Variants in DIPK1B observed in about 807,000 individuals in gnomAD.
DIPK1B encodes the protein divergent protein kinase domain 1B.
Under a neutral mutation model 20.7 loss-of-function variants are expected in DIPK1B, and 17 were observed. The ratio of observed to expected loss-of-function variants is 0.82; its 90% CI spans 0.56 to 1.23. The LOEUF is 1.23. Among genes scored for constraint, DIPK1B ranks in the 50% most tolerant of loss-of-function variants. The pLI is 0.00. For synonymous variants in DIPK1B, 343 were observed against 276.5 expected (o/e 1.24, Z -2.39); for missense variants, 648 against 601.8 (o/e 1.08, Z -0.80).
Position 136,724,137 on chromosome 9 carries a change from G to GC in DIPK1B, c.*367dup, listed in dbSNP as rs1846666567. 1 of 269,062 alleles carries GC rather than the reference G, an allele frequency of 3.7e-6. No homozygotes were observed. The highest frequency in any genetic ancestry group is 2.3e-5 in the African/African-American group (1 of 43,526). 16.7% of individuals were successfully genotyped at this position (269,062 alleles called of 1,614,324 possible). ...GCCCAGGCACTCAGGCTGGGGTTGA[G>GC]CCCCTGAATCCTTCCTGGCGAGGCA... On this transcript the variant is annotated 3_prime_UTR_variant, in exon 5 of 5. Coordinates refer to ENST00000371692, the MANE Select transcript of DIPK1B (RefSeq NM_152421.4).
At position 136,723,733 on chromosome 9, in the gene DIPK1B, ACT is replaced by A. The variant is rs754514883; in HGVS notation, c.1258_1259del (p.Leu420AlafsTer16). On this transcript the variant is annotated frameshift_variant, in exon 5 of 5. Coordinates refer to ENST00000371692, the MANE Select transcript of DIPK1B (RefSeq NM_152421.4). LOFTEE classifies it high-confidence loss of function. The stretch of plus-strand genomic sequence containing the variant: ...CTCGCTGGTGCTCAGCCACCTCAAG[ACT>A]CTGCTCTGGAAGAAGATCTCCAACA... Reference protein sequence around the residue: ...HHSLVLSHLKTLLWKKISNTK... With the variant: ...HHSLVLSHLKXLLWKKISNTK... 47 of 1,535,320 alleles carry A rather than the reference ACT, an allele frequency of 3.1e-5. No individual in the cohort carries two copies. Among genetic ancestry groups the A allele is most frequent in the Non-Finnish European group, 3.7e-5 (42 of 1,146,888 alleles).
chr9:136,715,742 G>A (rs551092241), intron 1 of DIPK1B, among the ~76,000 whole-genome samples: 22 of 152,216 alleles, frequency 1.4e-4, no homozygotes, highest in African/African-American at 4.6e-4. Flanking sequence ...TCCAACTCCC[G>A]ACCTCAGGTG....
chr9:136,721,768 T>G, intron 2 of DIPK1B, 153 bp from the exon 3 acceptor site: 2 of 665,286 alleles, frequency 3.0e-6, no homozygotes, highest in Non-Finnish European at 5.1e-6. Context: ...ACCAATGGCA[T>G]GACCCAGGGC....
chr9:136,722,456 C>T (rs1246260015), intron 4 of DIPK1B, 155 bp downstream of exon 4: 2 of 934,350 alleles, frequency 2.1e-6, no homozygotes, highest in Non-Finnish European at 3.1e-6. Context: ...GGGCATGAGC[C>T]CTGCCAGGGA....
At position 136,721,772 on chromosome 9, in the gene DIPK1B, C is replaced by T. The variant is rs765250649; in HGVS notation, c.199-149C>T. ...ATCCTGCAGCCACCAATGGCATGACCCAGGGCCCCGGCACTGCCTGTGTGA... is the reference window on the plus strand; with the variant it reads ...ATCCTGCAGCCACCAATGGCATGACTCAGGGCCCCGGCACTGCCTGTGTGA... On this transcript the variant is annotated intron_variant, in intron 2 of 4. Coordinates refer to ENST00000371692, the MANE Select transcript of DIPK1B (RefSeq NM_152421.4). 3 of 687,466 alleles carry T rather than the reference C, an allele frequency of 4.4e-6. No homozygotes were observed. The South Asian group carries it at 5.4e-5, about 12-fold the overall frequency. The allele number at this position is 687,466 out of a possible 1,614,324, so 42.6% of individuals were successfully genotyped here.
rs1846441055 is a variant in DIPK1B at position 136,712,660 on chromosome 9, C to T, written c.-6C>T. On this transcript the variant is annotated 5_prime_UTR_variant, in exon 1 of 5. Transcript: ENST00000371692. This position sits in a 1 kb window ranked among gnomAD's most constrained non-coding sequence, Gnocchi z 5.6. ...GGGGCCCGCGCAGCCCCGGCCGGAG[C>T]CCACCATGCGGCGGCTGCGGCGCCT... The T allele has an allele frequency of 3.1e-6, 4 of 1,269,956 alleles. No homozygotes were observed. In the Admixed American group the frequency reaches 1.2e-4, roughly 39 times the overall value. 78.7% of individuals were successfully genotyped at this position (1,269,956 alleles called of 1,614,324 possible).
chr9:136,723,740 T>C lies in DIPK1B; in HGVS notation c.1262T>C (p.Leu421Pro). The C allele has an allele frequency of 6.5e-7, 1 of 1,535,068 alleles. No individual in the cohort carries two copies. The highest frequency in any genetic ancestry group is 8.7e-7 in the Non-Finnish European group (1 of 1,146,864). ...GTGCTCAGCCACCTCAAGACTCTGC[T>C]CTGGAAGAAGATCTCCAACACCAAG... The part of the protein sequence containing the change: ...SLVLSHLKTL[L>P]WKKISNTKYS Residue 421 changes from leucine to proline, a missense_variant, in exon 5 of 5, where the codon CTC becomes CCC. Physicochemically the swap from Leu to Pro is moderately conservative, Grantham distance 98 (BLOSUM62 -3). Coordinates refer to ENST00000371692, the MANE Select transcript of DIPK1B (RefSeq NM_152421.4).
At chr9:136,716,862 G>A (rs868601584) in intron 1 of DIPK1B, among the ~76,000 whole-genome samples, 9 of 152,268 alleles carry the variant, frequency 5.9e-5, no homozygotes, top group African/African-American at 1.9e-4. Flanking sequence ...TCTCGCGGTG[G>A]GCGCGCTCAC....
chr9:136,717,658 C>A lies in DIPK1B; in HGVS notation c.145C>A (p.His49Asn). Residue 49 changes from histidine (H) to asparagine (N), a missense_variant, in exon 2 of 5, where the codon CAC (histidine) becomes AAC (asparagine). Transcript: ENST00000371692. ...TGCAGGCAGCTGGCTGGTGTACGTG[C>A]ACTACTCGTCCTACTCGGAGCGCTG... ...VFAGSWLVYV[H>N]YSSYSERCRG... 6.2e-7 allele frequency: 1 copy of A among 1,609,284 alleles called. No individual in the cohort carries two copies.
chr9:136,719,343 G>A (rs1347553176), intron 2 of DIPK1B, among the ~76,000 whole-genome samples: 1 of 152,146 alleles, frequency 6.6e-6, no homozygotes, highest in African/African-American at 2.4e-5. Flanking sequence ...CCAGAGGTCA[G>A]GCCAAGCCCA....
rs1223436035 is a variant in DIPK1B at position 136,723,905 on chromosome 9, C to T, written c.*131C>T. 4.2e-6 allele frequency: 4 copies of T among 956,338 alleles called. No homozygotes were observed. In the East Asian group the frequency reaches 1.1e-4, roughly 25 times the overall value. The allele number at this position is 956,338 out of a possible 1,614,324, so 59.2% of individuals were successfully genotyped here. On this transcript the variant is annotated 3_prime_UTR_variant, in exon 5 of 5. Transcript: ENST00000371692. Reference sequence around the variant, plus strand: ...CAAAATCACTCCCCTACCGTCAGGGCTCTGGATTCCAGCACCACAGACATG... The same window carrying T: ...CAAAATCACTCCCCTACCGTCAGGGTTCTGGATTCCAGCACCACAGACATG...
chr9:136,720,004 G>A (rs1846570763), intron 2 of DIPK1B, among the ~76,000 whole-genome samples: 1 of 150,096 alleles, frequency 6.7e-6, no homozygotes, highest in African/African-American at 2.5e-5. Flanking sequence ...TCTGGGTTCA[G>A]GGGGCTGTGT....
rs1846639360 is a variant in DIPK1B at position 136,723,117 on chromosome 9, G to A, written c.639G>A (p.Gln213=). Residue 213 remains glutamine, a synonymous_variant, in exon 5 of 5, where the codon CAG becomes CAA. Transcript: ENST00000371692. ...AGTTCCTGCTGCTGCTGTCCCTGCA[G>A]GAGAAGGAGCACGCCTCCAGACTGC... ...RNEFLLLLSL[Q]EKEHASRLLG... is the part of the protein sequence containing the mutation. The A allele has an allele frequency of 6.2e-7, 1 of 1,613,338 alleles. No homozygotes were observed. Among genetic ancestry groups the A allele is most frequent in the Non-Finnish European group, 8.5e-7 (1 of 1,179,986 alleles).
In DIPK1B at chr9:136,712,757, G is replaced by T; in HGVS notation, c.63+29G>T. ...AGCGCGGTGCGCGCCCGCCGCCCCC[G>T]GCCGCCTCTGCCTGGGGAGGCCGAG... On this transcript the variant is annotated intron_variant, in intron 1 of 4. Coordinates refer to ENST00000371692, the MANE Select transcript of DIPK1B (RefSeq NM_152421.4). This position sits in a 1 kb window ranked among gnomAD's most constrained non-coding sequence, Gnocchi z 5.6. 1 of 1,314,544 alleles carries T rather than the reference G, an allele frequency of 7.6e-7. No individual in the cohort carries two copies. The allele number at this position is 1,314,544 out of a possible 1,614,324, so 81.4% of individuals were successfully genotyped here.
intron 2 of DIPK1B, chr9:136,721,571 G>T: frequency 3.4e-6 from 1 of 297,288 alleles, no homozygotes; most frequent in Non-Finnish European, 6.5e-6. Flanking sequence ...CGGCTGGGCG[G>T]AGAGCTGCCT....
At chr9:136,713,126 C>T (rs1846449696) in intron 1 of DIPK1B, among the ~76,000 whole-genome samples, 1 of 152,202 alleles carries the variant, frequency 6.6e-6, no homozygotes, top group African/African-American at 2.4e-5. Context: ...CCCCCTGCCC[C>T]TTCATCCCAT....
Position 136,723,012 on chromosome 9 carries a change from G to A in DIPK1B, c.534G>A (p.Leu178=), listed in dbSNP as rs1846636417. 2.5e-6 allele frequency: 4 copies of A among 1,613,344 alleles called. No individual in the cohort carries two copies. Among genetic ancestry groups the A allele is most frequent in the Non-Finnish European group, 3.4e-6 (4 of 1,179,958 alleles). ...PSLPALVGQV[L]LMADFNKDNR... ...TGCCGGCGCTGGTTGGCCAGGTCCT[G>A]CTCATGGCTGACTTCAACAAGGACA... is the stretch of plus-strand genomic sequence containing the variant. The change falls in exon 5 of 5, where the codon CTG becomes CTA. Residue 178 remains leucine, a synonymous_variant. Coordinates refer to ENST00000371692, the MANE Select transcript of DIPK1B (RefSeq NM_152421.4).
Position 136,723,542 on chromosome 9 carries a change from G to C in DIPK1B, c.1064G>C (p.Arg355Thr), listed in dbSNP as rs759812172. Residue 355 changes from arginine (R) to threonine (T), a missense_variant, in exon 5 of 5, where the codon AGG becomes ACG. By Grantham distance (71) the Arg-to-Thr change is moderately conservative (BLOSUM62 -1). Coordinates refer to ENST00000371692, the MANE Select transcript of DIPK1B (RefSeq NM_152421.4). ...DCRAPCDRLM[R>T]QCKGDLIQPN... ...AGGGCCCCGTGTGACAGGCTCATGA[G>C]GCAGTGCAAGGGCGACCTCATCCAG... The C allele has an allele frequency of 1.3e-6, 2 of 1,598,848 alleles. No homozygotes were observed. Among genetic ancestry groups the C allele is most frequent in the Non-Finnish European group, 1.7e-6 (2 of 1,173,200 alleles).
At chr9:136,714,087 G>A (rs1370801684) in intron 1 of DIPK1B, among the ~76,000 whole-genome samples, 1 of 152,224 alleles carries the variant, frequency 6.6e-6, no homozygotes, top group African/African-American at 2.4e-5. Flanking sequence ...GAGCCAGGGT[G>A]GGCCAGGGAG....
Sources: allele counts gnomAD v4.1 joint callset (sites outside exome capture counted in the v4.1 genomes callset), GRCh38; gene constraint gnomAD v4.1.1; non-coding constraint Gnocchi (gnomAD v3.1); transcripts MANE v1.5; gene names NCBI Gene and HGNC (gene_info 2026-07-23, HGNC 2026-07-21).